Variants in NEK2 observed in about 807,000 individuals in gnomAD.
The protein encoded by NEK2 is NIMA related kinase 2.
A neutral mutation model predicts 54.1 loss-of-function variants in NEK2; 28 were observed. That is an observed-to-expected ratio of 0.52 (90% CI 0.38 to 0.71). The LOEUF (loss-of-function observed/expected upper bound fraction) is 0.71. Among genes scored for constraint, NEK2 ranks in the 30% least tolerant of loss-of-function variants. NEK2 has a pLI of 0.00. For synonymous variants in NEK2, 176 were observed against 193.1 expected (o/e 0.91, Z 0.73); for missense variants, 407 against 531.5 (o/e 0.77, Z 2.30).
At chr1:211,669,759 T>C (rs955700131) in intron 5 of NEK2, among the ~76,000 whole-genome samples, 2 of 152,230 alleles carry the variant, frequency 1.3e-5, no homozygotes, top group Non-Finnish European at 2.9e-5. Context: ...GCATTTTCCT[T>C]CTTCTCTTAT....
downstream of NEK2, among the ~76,000 whole-genome samples, chr1:211,661,605 G>A (rs1297088672): frequency 3.9e-5 from 6 of 152,216 alleles, no homozygotes; most frequent in Admixed American, 3.9e-4. Flanking sequence ...AAAACCAGTA[G>A]GGATAGTTTT....
chr1:211,670,970 C>T (rs1655364220), intron 4 of NEK2, among the ~76,000 whole-genome samples: 1 of 152,236 alleles, frequency 6.6e-6, no homozygotes, highest in African/African-American at 2.4e-5. Context: ...TAAGAAAGCA[C>T]CTAACCAGCC....
In NEK2 at chr1:211,675,420, G is replaced by A. The variant is rs1457130729; in HGVS notation, c.60C>T (p.Gly20=). The A allele has an allele frequency of 1.2e-6, 2 of 1,613,806 alleles. No homozygotes were observed. The highest frequency in any genetic ancestry group is 2.7e-5 in the African/African-American group (2 of 74,934). The change falls in exon 1 of 8, where the codon GGC becomes GGT. Residue 20 remains glycine, a synonymous_variant. Transcript: ENST00000366999. ...VLYTIGTGSY[G]RCQKIRRKSD... The stretch of plus-strand genomic sequence containing the variant: ...TCTTCCTCCGGATCTTCTGGCAGCG[G>A]CCGTAGGAGCCTGTGCCAATGGTGT...
At chr1:211,660,760 T>C (rs1654999765), downstream of NEK2, 1 of 691,036 alleles carries the variant, frequency 1.4e-6, no homozygotes, top group Non-Finnish European at 2.7e-6. Flanking sequence ...CTCAGTCTGA[T>C]AGGAACTCTG....
At chr1:211,670,814 C>T (rs1655353407) in intron 4 of NEK2, among the ~76,000 whole-genome samples, 1 of 152,196 alleles carries the variant, frequency 6.6e-6, no homozygotes, top group African/African-American at 2.4e-5. Flanking sequence ...AAAAGAAGAA[C>T]AAAGGAAAAG....
At position 211,663,421 on chromosome 1, in the gene NEK2, C is replaced by A. The variant is rs1341755260; in HGVS notation, c.*5G>T. On this transcript the variant is annotated 3_prime_UTR_variant, in exon 8 of 8. Transcript: ENST00000366999. ...CTGTACACAGCTCTGTGTCTCTCTACCTGGCTAGCGCATGCCCAGGATCTG... is the reference window on the plus strand; with the variant it reads ...CTGTACACAGCTCTGTGTCTCTCTAACTGGCTAGCGCATGCCCAGGATCTG... 6.2e-7 allele frequency: 1 copy of A among 1,608,236 alleles called. No individual in the cohort carries two copies. Among genetic ancestry groups the A allele is most frequent in the Non-Finnish European group, 8.5e-7 (1 of 1,176,392 alleles).
At chr1:211,660,199 C>T (rs563271663), downstream of NEK2, 23 of 302,158 alleles carry the variant, frequency 7.6e-5, no homozygotes, top group Non-Finnish European at 1.3e-4. Context: ...TCACTTTTTC[C>T]GCTTGTAGAT....
At chr1:211,675,170 C>A (rs541491726) in intron 1 of NEK2, among the ~76,000 whole-genome samples, 62 of 152,264 alleles carry the variant, frequency 4.1e-4, no homozygotes, top group Non-Finnish European at 4.0e-4. Flanking sequence ...GGGAGAGAAA[C>A]GGGAAAAGAT....
rs1277222828 is a variant in NEK2, at chr1:211,669,097, C to T, written c.985+16G>A. The T allele has an allele frequency of 1.2e-6, 2 of 1,609,802 alleles. No individual in the cohort carries two copies. Among genetic ancestry groups the T allele is most frequent in the South Asian group, 1.1e-5 (1 of 90,806 alleles). On this transcript the variant is annotated intron_variant, in intron 6 of 7. Coordinates refer to ENST00000366999, the MANE Select transcript of NEK2 (RefSeq NM_002497.4). ...CTTGGTAGTTCTCCTTTGCTTTGACCCCCATTCAGACTTACGCTCCAATCT... is the reference window on the plus strand; with the variant it reads ...CTTGGTAGTTCTCCTTTGCTTTGACTCCCATTCAGACTTACGCTCCAATCT...
rs1212413639 is a variant in NEK2 at position 211,675,378 on chromosome 1, G to C, written c.96+6C>G. ...GGGGCAGGCGCAGGGTAGGTCCCACGCTCACCTTGCCATCACTCTTCCTCC... is the reference window on the plus strand; with the variant it reads ...GGGGCAGGCGCAGGGTAGGTCCCACCCTCACCTTGCCATCACTCTTCCTCC... On this transcript the variant is annotated splice_donor_region_variant and intron_variant, in intron 1 of 7. Transcript: ENST00000366999. The C allele has an allele frequency of 6.2e-7, 1 of 1,612,836 alleles. No individual in the cohort carries two copies. The highest frequency in any genetic ancestry group is 1.7e-5 in the Admixed American group (1 of 59,972).
At chr1:211,660,942 G>A (rs1655004264), downstream of NEK2, 1 of 746,116 alleles carries the variant, frequency 1.3e-6, no homozygotes, top group South Asian at 1.4e-5. Flanking sequence ...AATCCGTGAT[G>A]TCATCTACCA....
chr1:211,675,103 T>G (rs1285088624), intron 1 of NEK2, among the ~76,000 whole-genome samples: 1 of 152,176 alleles, frequency 6.6e-6, no homozygotes, highest in Non-Finnish European at 1.5e-5. Flanking sequence ...CAGGAATTAG[T>G]TACCTGTCAC....
rs756196538 is a variant in NEK2 at position 211,673,369 on chromosome 1, G to A, written c.555+114C>T. 2.8e-4 allele frequency: 358 copies of A among 1,282,100 alleles called. 2 individuals carry two copies. The highest frequency in any genetic ancestry group is 2.6e-3 in the Middle Eastern group (12 of 4,686). The allele number at this position is 1,282,100 out of a possible 1,614,324, so 79.4% of individuals were successfully genotyped here. A position where few individuals can be genotyped will look rare whatever the true frequency, so the allele number is the denominator to read the frequency against. On this transcript the variant is annotated intron_variant, in intron 3 of 7. Coordinates refer to ENST00000366999, the MANE Select transcript of NEK2 (RefSeq NM_002497.4). ...GCAGAGATTGCAGTGAGCCCAGATC[G>A]CACCACTGCACTCCAGCCTGGGCAA...
intron 7 of NEK2, 57 bp from the exon 8 acceptor site, chr1:211,663,709 C>T: frequency 6.8e-7 from 1 of 1,480,836 alleles, no homozygotes; most frequent in South Asian, 1.2e-5. Context: ...TCAACTCCTT[C>T]ATACTTATAC....
At chr1:211,661,794 G>C (rs1408763765), downstream of NEK2, among the ~76,000 whole-genome samples, 1 of 152,204 alleles carries the variant, frequency 6.6e-6, no homozygotes, top group East Asian at 1.9e-4. Flanking sequence ...GGTTCACAAG[G>C]TCGTTCAGCT....
At chr1:211,665,400 A>G (rs1473592845) in intron 7 of NEK2, among the ~76,000 whole-genome samples, 2 of 152,210 alleles carry the variant, frequency 1.3e-5, no homozygotes, top group Admixed American at 6.5e-5. Context: ...TTATCTGTGT[A>G]TCCTATAAAG....
intron 6 of NEK2, 52 bp downstream of exon 6, chr1:211,669,061 A>C: frequency 6.7e-7 from 1 of 1,486,778 alleles, no homozygotes; most frequent in South Asian, 1.2e-5. Flanking sequence ...CAGACACATC[A>C]AAATAACCCA....
At chr1:211,658,798 C>A, downstream of NEK2, 1 of 288,018 alleles carries the variant, frequency 3.5e-6, no homozygotes, top group Non-Finnish European at 6.8e-6. Flanking sequence ...AAATGCATAT[C>A]CCCATGGTTG....
intron 1 of NEK2, among the ~76,000 whole-genome samples, chr1:211,674,829 A>C (rs1655525145): frequency 6.6e-6 from 1 of 152,212 alleles, no homozygotes; most frequent in Non-Finnish European, 1.5e-5. Context: ...AGGTGGTCAA[A>C]GTCCCTGCCC....
Sources: gnomAD v4.1 joint callset for allele counts (sites outside exome capture counted in the v4.1 genomes callset) on GRCh38, gnomAD v4.1.1 for gene constraint, MANE v1.5 for transcripts, NCBI Gene and HGNC (gene_info 2026-07-23, HGNC 2026-07-21) for gene names.